The following TMPRSS11D variants were observed in gnomAD, a reference collection of about 807,000 sequenced individuals.
The protein encoded by TMPRSS11D is transmembrane serine protease 11D.
Under a neutral mutation model 44.4 loss-of-function variants are expected in TMPRSS11D, and 32 were observed. The observed-to-expected ratio is 0.72, with a 90% CI of 0.54 to 0.97. The LOEUF (loss-of-function observed/expected upper bound fraction) is 0.97. TMPRSS11D is among the 50% of genes least tolerant of loss of function. TMPRSS11D has a pLI of 0.00. For missense variants in TMPRSS11D, 446 were observed against 502.6 expected (o/e 0.89, Z 1.08); for synonymous variants, 179 against 177.9 (o/e 1.01, Z -0.05).
intron 1 of TMPRSS11D, among the ~76,000 whole-genome samples, chr4:67,871,157 C>CA (rs5859108): frequency 0.96 from 145,797 of 152,276 alleles, 70,104 homozygotes; most frequent in East Asian, 1. Context: ...TGATGAATAC[C>CA]AAGCCAAGAG....
intron 4 of TMPRSS11D, among the ~76,000 whole-genome samples, chr4:67,841,558 G>A (rs958593459): frequency 6.6e-6 from 1 of 152,136 alleles, no homozygotes; most frequent in Non-Finnish European, 1.5e-5. Context: ...ATTGAAGCCA[G>A]GTTGCAGAGG....
intron 1 of TMPRSS11D, among the ~76,000 whole-genome samples, chr4:67,869,084 A>G (rs1718993639): frequency 1.3e-5 from 2 of 152,176 alleles, no homozygotes; most frequent in Non-Finnish European, 2.9e-5. Flanking sequence ...TTGTTTTGAG[A>G]TGTTCTAATA....
At chr4:67,870,312 T>C (rs1719024847) in intron 1 of TMPRSS11D, among the ~76,000 whole-genome samples, 2 of 152,210 alleles carry the variant, frequency 1.3e-5, no homozygotes, top group Admixed American at 1.3e-4. Flanking sequence ...AACTTCACTC[T>C]ACCTCCATAT....
intron 3 of TMPRSS11D, among the ~76,000 whole-genome samples, chr4:67,852,986 A>T (rs1718545065): frequency 6.6e-6 from 1 of 152,226 alleles, no homozygotes; most frequent in South Asian, 2.1e-4. Context: ...ATGTGGAAGG[A>T]GGATTAATTA....
chr4:67,822,544 C>T lies in TMPRSS11D; in HGVS notation c.1096-46G>A, dbSNP rs771327364. On this transcript the variant is annotated intron_variant, in intron 9 of 9. Coordinates refer to ENST00000283916, the MANE Select transcript of TMPRSS11D (RefSeq NM_004262.3). ...TGATTACTTAAGTGCAAAGACAAAC[C>T]CAAAATATTAAGGAGTTTATTTCTA... 22 of 1,604,648 alleles carry T rather than the reference C, an allele frequency of 1.4e-5. No individual in the cohort carries two copies. In the East Asian group the frequency reaches 4.5e-4, roughly 33 times the overall value.
At chr4:67,863,680 A>G (rs931426143) in intron 1 of TMPRSS11D, among the ~76,000 whole-genome samples, 1 of 152,136 alleles carries the variant, frequency 6.6e-6, no homozygotes, top group Admixed American at 6.6e-5. Context: ...TCTGTCAAAT[A>G]TCAGCTATGT....
intron 7 of TMPRSS11D, among the ~76,000 whole-genome samples, chr4:67,832,856 A>G (rs892471531): frequency 6.6e-6 from 1 of 151,992 alleles, no homozygotes; most frequent in African/African-American, 2.4e-5. Context: ...TACCAGTAAC[A>G]CTAAGTCACA....
chr4:67,870,894 T>TA (rs1719046447), intron 1 of TMPRSS11D, among the ~76,000 whole-genome samples: 1 of 152,144 alleles, frequency 6.6e-6, no homozygotes, highest in Non-Finnish European at 1.5e-5. Flanking sequence ...ACTTATAACT[T>TA]TCTAATATAC....
intron 1 of TMPRSS11D, among the ~76,000 whole-genome samples, chr4:67,862,352 AG>A (rs1469982919): frequency 1.3e-5 from 2 of 152,118 alleles, no homozygotes; most frequent in South Asian, 2.1e-4. Context: ...AACAGAAACC[AG>A]GTAAGTTTGA....
intron 1 of TMPRSS11D, among the ~76,000 whole-genome samples, chr4:67,883,104 C>T (rs1472223961): frequency 6.6e-6 from 1 of 151,776 alleles, no homozygotes; most frequent in African/African-American, 2.4e-5. Flanking sequence ...TTCCAATGTT[C>T]AGGAGATTTA....
intron 3 of TMPRSS11D, among the ~76,000 whole-genome samples, chr4:67,843,719 C>T (rs988350656): frequency 3.3e-5 from 5 of 151,868 alleles, no homozygotes; most frequent in Admixed American, 6.6e-5. Flanking sequence ...GTCAGGAGAT[C>T]GAGACCATCC....
At chr4:67,876,761 T>C (rs1000329712) in intron 1 of TMPRSS11D, among the ~76,000 whole-genome samples, 1 of 152,198 alleles carries the variant, frequency 6.6e-6, no homozygotes, top group African/African-American at 2.4e-5. Context: ...CAGTGCTTAT[T>C]GAATGAATGT....
At chr4:67,834,473 A>G (rs1332367082) in intron 6 of TMPRSS11D, among the ~76,000 whole-genome samples, 1 of 152,188 alleles carries the variant, frequency 6.6e-6, no homozygotes, top group Non-Finnish European at 1.5e-5. Context: ...TACCTAAGAT[A>G]GGCCAGCTAC....
chr4:67,854,116 T>C lies in TMPRSS11D; in HGVS notation c.201A>G (p.Ser67=), dbSNP rs17088727. Residue 67 remains serine, a synonymous_variant, in exon 3 of 10, where the codon TCA becomes TCG. Transcript: ENST00000283916. ...LNVEYNSQLN[S]PATQEYRTLS... ...AAGTCCTGTATTCCTGTGTAGCTGG[T>C]GAATTTAACTGACTATTATATTCAA... is the stretch of plus-strand genomic sequence containing the variant. 220 of 1,600,772 alleles carry C rather than the reference T, an allele frequency of 1.4e-4. No individual in the cohort carries two copies. In the African/African-American group the frequency reaches 2.6e-3, roughly 19 times the overall value.
intron 1 of TMPRSS11D, among the ~76,000 whole-genome samples, chr4:67,881,410 C>A (rs1719318562): frequency 6.6e-6 from 1 of 152,122 alleles, no homozygotes; most frequent in African/African-American, 2.4e-5. Flanking sequence ...CGTCCCACAC[C>A]ATCATTAGAA....
intron 6 of TMPRSS11D, among the ~76,000 whole-genome samples, chr4:67,834,262 CT>C (rs34971754): frequency 6.6e-6 from 1 of 151,892 alleles, no homozygotes; most frequent in Admixed American, 6.6e-5. Flanking sequence ...CACCTAAAGG[CT>C]TTTTTTTCCT....
chr4:67,850,315 G>T (rs1385930), intron 3 of TMPRSS11D, among the ~76,000 whole-genome samples: 1 of 152,206 alleles, frequency 6.6e-6, no homozygotes. Context: ...TCAGACACCA[G>T]ATCTGCTGGT....
intron 5 of TMPRSS11D, among the ~76,000 whole-genome samples, chr4:67,835,566 T>C (rs1718060813): frequency 6.6e-6 from 1 of 152,110 alleles, no homozygotes; most frequent in African/African-American, 2.4e-5. Flanking sequence ...CAGATTTAAC[T>C]GCGAGCAAAA....
At chr4:67,858,953 T>A (rs1718726398) in intron 2 of TMPRSS11D, among the ~76,000 whole-genome samples, 1 of 152,092 alleles carries the variant, frequency 6.6e-6, no homozygotes, top group Non-Finnish European at 1.5e-5. Context: ...TAATAAAAAA[T>A]TAAACAAAAC....
Sources: allele counts gnomAD v4.1 joint callset (sites outside exome capture counted in the v4.1 genomes callset), GRCh38; gene constraint gnomAD v4.1.1; transcripts MANE v1.5; gene names NCBI Gene and HGNC (gene_info 2026-07-23, HGNC 2026-07-21).